Variants in NPLOC4 observed in about 807,000 individuals in gnomAD.
The protein encoded by NPLOC4 is nuclear protein localization protein 4 homolog.
NPLOC4 carries 18 observed loss-of-function variants against 80.6 expected under a neutral mutation model. The ratio of observed to expected loss-of-function variants is 0.22; its 90% CI spans 0.15 to 0.33. The LOEUF (loss-of-function observed/expected upper bound fraction) is 0.33, where lower values mean the gene tolerates loss of function less well. Among genes scored for constraint, NPLOC4 ranks in the 10% least tolerant of loss-of-function variants. The pLI is 1.00. For missense variants in NPLOC4, 540 were observed against 786.1 expected, an observed-to-expected ratio of 0.69 and a Z score of 3.74; for synonymous variants, 313 against 301.5, an observed-to-expected ratio of 1.04 and a Z score of -0.39.
chr17:81,586,426 A>G (rs996533629), intron 12 of NPLOC4, among the ~76,000 whole-genome samples: 2 of 152,122 alleles, frequency 1.3e-5, no homozygotes, highest in Non-Finnish European at 2.9e-5. Context: ...CCTGGCCAAC[A>G]TGGTAAAACA....
At chr17:81,608,870 C>T (rs1694699077) in intron 5 of NPLOC4, 48 bp from the exon 6 acceptor site, 1 of 1,444,562 alleles carries the variant, frequency 6.9e-7, no homozygotes, top group Admixed American at 2.0e-5. Flanking sequence ...GTGCCGGTCA[C>T]TCCAGGCGCT....
chr17:81,605,886 A>G (rs1182275939), intron 7 of NPLOC4, among the ~76,000 whole-genome samples: 1 of 146,206 alleles, frequency 6.8e-6, no homozygotes, highest in African/African-American at 2.6e-5. Context: ...CAGTGGCGTG[A>G]TTTTGGCTCA....
At chr17:81,623,464 C>CAA (rs60092546) in intron 2 of NPLOC4, among the ~76,000 whole-genome samples, 29,906 of 81,560 alleles carry the variant, frequency 0.37, 6,494 homozygotes, top group East Asian at 0.67. Context: ...GACTTTGTTT[C>CAA]AAAAAAAAAA....
intron 3 of NPLOC4, among the ~76,000 whole-genome samples, chr17:81,613,868 G>C (rs2081798724): frequency 6.6e-6 from 1 of 151,844 alleles, no homozygotes; most frequent in Admixed American, 6.6e-5. Context: ...TGGCCTCTGG[G>C]AGGCTCTCTC....
chr17:81,608,178 T>C (rs142118087), intron 6 of NPLOC4, among the ~76,000 whole-genome samples: 3 of 152,312 alleles, frequency 2.0e-5, no homozygotes, highest in Admixed American at 1.3e-4. Context: ...CCAAGCTGAC[T>C]CAGAGGCCAG....
intron 16 of NPLOC4, 76 bp from the exon 17 acceptor site, chr17:81,559,492 G>C: frequency 6.7e-7 from 1 of 1,481,550 alleles, no homozygotes; most frequent in Non-Finnish European, 9.1e-7. Context: ...CATGGGGGCA[G>C]GGGCAGGCAG....
At chr17:81,631,227 T>C (rs1394960314) in intron 1 of NPLOC4, among the ~76,000 whole-genome samples, 2 of 151,386 alleles carry the variant, frequency 1.3e-5, no homozygotes, top group Non-Finnish European at 2.9e-5. Context: ...AGGTCTTTAA[T>C]GGTAAAATTT....
At chr17:81,579,695 T>C (rs2034388703) in intron 12 of NPLOC4, among the ~76,000 whole-genome samples, 1 of 152,172 alleles carries the variant, frequency 6.6e-6, no homozygotes, top group African/African-American at 2.4e-5. Context: ...GTGTGCCAAT[T>C]AGCTCCTTTG....
chr17:81,566,462 G>A (rs891921544), intron 15 of NPLOC4: 2 of 151,928 alleles, frequency 1.3e-5, no homozygotes, highest in African/African-American at 2.4e-5. Context: ...GGTGTAGAGG[G>A]AGCCTCACCT....
intron 12 of NPLOC4, among the ~76,000 whole-genome samples, chr17:81,574,777 G>A (rs2034249035): frequency 6.6e-6 from 1 of 152,144 alleles, no homozygotes; most frequent in Non-Finnish European, 1.5e-5. Flanking sequence ...GCTTTGGGAG[G>A]CCGAGGTGGG....
intron 1 of NPLOC4, among the ~76,000 whole-genome samples, chr17:81,634,334 C>G (rs2036012157): frequency 6.6e-6 from 1 of 151,772 alleles, no homozygotes; most frequent in South Asian, 2.1e-4. Context: ...TTCTTAAATT[C>G]AAAATAACTT....
chr17:81,606,002 A>G (rs2144223243), intron 7 of NPLOC4, among the ~76,000 whole-genome samples: 1 of 152,050 alleles, frequency 6.6e-6, no homozygotes, highest in East Asian at 1.9e-4. Context: ...TTGTATTTTT[A>G]GTAGAGATGG....
At chr17:81,602,899 A>G (rs1005149159) in intron 8 of NPLOC4, among the ~76,000 whole-genome samples, 10 of 150,802 alleles carry the variant, frequency 6.6e-5, no homozygotes, top group Non-Finnish European at 1.0e-4. Context: ...GTATATACAC[A>G]TACATACATA....
At chr17:81,636,221 T>C (rs2036068258) in intron 1 of NPLOC4, among the ~76,000 whole-genome samples, 1 of 152,216 alleles carries the variant, frequency 6.6e-6, no homozygotes, top group South Asian at 2.1e-4. Flanking sequence ...TCCACCCGCC[T>C]CGGCCTCCCA....
intron 13 of NPLOC4, 26 bp from the exon 14 acceptor site, chr17:81,569,137 G>C: frequency 4.0e-6 from 6 of 1,503,762 alleles, no homozygotes; most frequent in Non-Finnish European, 5.6e-6. Context: ...ACAAACCCAT[G>C]ATAAATGAGG....
intron 4 of NPLOC4, among the ~76,000 whole-genome samples, chr17:81,610,812 C>T (rs1355409203): frequency 2.3e-5 from 2 of 87,182 alleles, no homozygotes; most frequent in East Asian, 2.2e-4. Context: ...ATTAGCCGGG[C>T]GCGGTGGCGG....
At chr17:81,625,654 C>T (rs1393768701) in intron 2 of NPLOC4, among the ~76,000 whole-genome samples, 1 of 152,010 alleles carries the variant, frequency 6.6e-6, no homozygotes, top group Non-Finnish European at 1.5e-5. Context: ...CTGCTTGAGC[C>T]CAGAAGTTTA....
At chr17:81,601,214 TAATCTCA>T (rs1464690127) in intron 8 of NPLOC4, among the ~76,000 whole-genome samples, 1 of 152,306 alleles carries the variant, frequency 6.6e-6, no homozygotes, top group East Asian at 1.9e-4. Flanking sequence ...AAGGTAAAGG[TAATCTCA>T]AATTGAGTTA....
intron 11 of NPLOC4, among the ~76,000 whole-genome samples, chr17:81,591,128 T>G (rs1026629722): frequency 6.6e-6 from 1 of 152,066 alleles, no homozygotes; most frequent in Non-Finnish European, 1.5e-5. Flanking sequence ...GACATCTGGT[T>G]AGGACACCAT....
Sources: gnomAD v4.1 joint callset for allele counts (sites outside exome capture counted in the v4.1 genomes callset) on GRCh38, gnomAD v4.1.1 for gene constraint, MANE v1.5 for transcripts, NCBI Gene and HGNC (gene_info 2026-07-23, HGNC 2026-07-21) for gene names.